CPEB2: variants seen among roughly 807,000 people sequenced by gnomAD.
CPEB2 encodes the protein cytoplasmic polyadenylation element binding protein 2.
A neutral mutation model predicts 93.6 loss-of-function variants in CPEB2; 56 were observed. That is an observed-to-expected ratio of 0.60 (90% CI 0.48 to 0.75). CPEB2 has a LOEUF of 0.75. Among genes scored for constraint, CPEB2 ranks in the 30% least tolerant of loss-of-function variants. CPEB2 has a pLI of 0.00. For synonymous variants in CPEB2, 764 were observed against 586.3 expected, an observed-to-expected ratio of 1.30 and a Z score of -4.38; for missense variants, 1,579 against 1,395.1, an observed-to-expected ratio of 1.13 and a Z score of -2.10.
At chr4:15,046,210 G>A (rs1727672885) in intron 6 of CPEB2, among the ~76,000 whole-genome samples, 1 of 152,122 alleles carries the variant, frequency 6.6e-6, no homozygotes, top group Non-Finnish European at 1.5e-5. Context: ...CCCCAGTAGA[G>A]TATGAGACTG....
Position 15,069,073 on chromosome 4 carries a change from T to TTG in CPEB2, c.*2697_*2698dup. On this transcript the variant is annotated 3_prime_UTR_variant, in exon 12 of 12. Transcript: ENST00000538197. ...TTTTGTATTTTAAAAGCTTCTTCAC[T>TTG]TGTGTTCCCTAAATATTCATATTGC... 1 of 152,230 alleles carries TTG rather than the reference T, an allele frequency of 6.6e-6. No homozygotes were observed. Among genetic ancestry groups the TTG allele is most frequent in the South Asian group, 2.1e-4 (1 of 4,826 alleles). 9.4% of individuals were successfully genotyped at this position (152,230 alleles called of 1,614,324 possible). A position where few individuals can be genotyped will look rare whatever the true frequency, so the allele number is the denominator to read the frequency against.
rs1250384350 is a variant in CPEB2 at position 15,066,396 on chromosome 4, C to T, written c.*16C>T. ...CTGGAACTAAGAATAGCAAACTGGC[C>T]TCTGTTTAACAAGGAAAGAAAGGGT... On this transcript the variant is annotated 3_prime_UTR_variant, in exon 12 of 12. Coordinates refer to ENST00000538197, the MANE Select transcript of CPEB2 (RefSeq NM_001177382.2). 1.3e-6 allele frequency: 2 copies of T among 1,552,674 alleles called. No individual in the cohort carries two copies. Among genetic ancestry groups the T allele is most frequent in the East Asian group, 2.3e-5 (1 of 42,888 alleles).
chr4:15,059,527 C>T (rs773901111), intron 10 of CPEB2, among the ~76,000 whole-genome samples: 1 of 152,114 alleles, frequency 6.6e-6, no homozygotes, highest in Non-Finnish European at 1.5e-5. Context: ...AATATTAGTG[C>T]AGTAGCTAAC....
At chr4:15,047,625 T>G (rs1275217117) in intron 6 of CPEB2, among the ~76,000 whole-genome samples, 1 of 152,104 alleles carries the variant, frequency 6.6e-6, no homozygotes, top group East Asian at 1.9e-4. Flanking sequence ...AATACAATTA[T>G]TTCTACTAGT....
At chr4:15,043,720 A>G (rs1264589677) in intron 6 of CPEB2, among the ~76,000 whole-genome samples, 1 of 152,098 alleles carries the variant, frequency 6.6e-6, no homozygotes, top group East Asian at 1.9e-4. Context: ...TTTTAGTAAT[A>G]TAAATAAAAA....
At position 15,028,343 on chromosome 4, in the gene CPEB2, A is replaced by G. The variant is rs2109018012; in HGVS notation, c.2126-4818A>G. Reference sequence around the variant, plus strand: ...TCTTGTTCTATGATTTTTTTTTTTCATTTTCTTAGAGAATATCCTCCCTAT... The same window carrying G: ...TCTTGTTCTATGATTTTTTTTTTTCGTTTTCTTAGAGAATATCCTCCCTAT... On this transcript the variant is annotated intron_variant, in intron 4 of 11. Coordinates refer to ENST00000538197, the MANE Select transcript of CPEB2 (RefSeq NM_001177382.2). 1.4e-5 allele frequency among the ~76,000 whole-genome samples: 2 copies of G among 147,788 alleles called. 1 individual carries two copies. The highest frequency in any genetic ancestry group is 7.2e-3 in the Middle Eastern group (2 of 276).
At chr4:15,015,004 G>A (rs1191679987) in intron 3 of CPEB2, among the ~76,000 whole-genome samples, 1 of 151,998 alleles carries the variant, frequency 6.6e-6, no homozygotes, top group Non-Finnish European at 1.5e-5. Context: ...GAGACTATAG[G>A]CATCATCTAG....
At chr4:15,025,196 T>G (rs969981981) in intron 4 of CPEB2, among the ~76,000 whole-genome samples, 6 of 152,104 alleles carry the variant, frequency 3.9e-5, no homozygotes, top group African/African-American at 1.4e-4. Flanking sequence ...ATCTTGAGTT[T>G]TTTGTTTTAA....
intron 5 of CPEB2, among the ~76,000 whole-genome samples, chr4:15,040,167 G>C (rs1457923971): frequency 6.6e-6 from 1 of 152,086 alleles, no homozygotes; most frequent in East Asian, 1.9e-4. Context: ...GTATATTTCT[G>C]TCTTCATTAG....
At chr4:15,065,633 G>A (rs1186256480) in intron 11 of CPEB2, among the ~76,000 whole-genome samples, 3 of 151,998 alleles carry the variant, frequency 2.0e-5, no homozygotes, top group African/African-American at 2.4e-5. Flanking sequence ...CCTTCACAAC[G>A]GGACTTGTGC....
intron 10 of CPEB2, among the ~76,000 whole-genome samples, chr4:15,061,107 C>T (rs1296591269): frequency 6.6e-6 from 1 of 152,054 alleles, no homozygotes; most frequent in Non-Finnish European, 1.5e-5. Context: ...CGAGTGTGGC[C>T]AGTGCCTGTT....
intron 5 of CPEB2, among the ~76,000 whole-genome samples, chr4:15,035,221 G>A (rs1442187224): frequency 7.0e-6 from 1 of 142,246 alleles, no homozygotes; most frequent in Non-Finnish European, 1.6e-5. Context: ...CTTTTTTTTT[G>A]TAGTGGTGTA....
Position 15,003,250 on chromosome 4 carries a change from T to G in CPEB2, c.577T>G (p.Ser193Ala). The G allele has an allele frequency of 6.6e-7, 1 of 1,504,698 alleles. No homozygotes were observed. Among genetic ancestry groups the G allele is most frequent in the Non-Finnish European group, 8.8e-7 (1 of 1,137,096 alleles). The allele number at this position is 1,504,698 out of a possible 1,614,324, so 93.2% of individuals were successfully genotyped here. Residue 193 changes from serine (S) to alanine (A), a missense_variant, in exon 1 of 12, where the codon TCG becomes GCG. Coordinates refer to ENST00000538197, the MANE Select transcript of CPEB2 (RefSeq NM_001177382.2). Reference sequence around the variant, plus strand: ...TCCCCACCTTCCCCACCCTCCGGACTCGAAGCCGCCGCCGCCGCCTCCGCC... The same window carrying G: ...TCCCCACCTTCCCCACCCTCCGGACGCGAAGCCGCCGCCGCCGCCTCCGCC... ...SPPHLPHPPD[S>A]KPPPPPPPLH...
At chr4:15,054,252 T>C (rs747671937) in intron 8 of CPEB2, 35 bp downstream of exon 8, 4 of 1,494,708 alleles carry the variant, frequency 2.7e-6, no homozygotes, top group Non-Finnish European at 3.7e-6. Context: ...TGCTAGGAAA[T>C]TGGTTGTATG....
chr4:15,009,150 G>A (rs1723166162), intron 3 of CPEB2, among the ~76,000 whole-genome samples: 1 of 152,204 alleles, frequency 6.6e-6, no homozygotes, highest in African/African-American at 2.4e-5. Context: ...TATATATGCA[G>A]GTTCTTTCTT....
intron 6 of CPEB2, among the ~76,000 whole-genome samples, chr4:15,042,414 A>G (rs748919508): frequency 2.0e-5 from 3 of 152,210 alleles, no homozygotes; most frequent in Admixed American, 6.5e-5. Flanking sequence ...CCCGTAAGCC[A>G]TAAAGACTTA....
At chr4:15,005,173 T>C (rs1337903170) in intron 1 of CPEB2, 2 of 152,224 alleles carry the variant, frequency 1.3e-5, no homozygotes, top group African/African-American at 2.4e-5. Flanking sequence ...AAAGAGAAAC[T>C]GTTAGTGACC....
intron 4 of CPEB2, among the ~76,000 whole-genome samples, chr4:15,027,188 G>A (rs1725575841): frequency 6.6e-6 from 1 of 151,714 alleles, no homozygotes; most frequent in Non-Finnish European, 1.5e-5. Context: ...AAAACTTTTT[G>A]GTATTCTATG....
At position 15,002,643 on chromosome 4, in the gene CPEB2, G is replaced by T. The variant is rs923348041; in HGVS notation, c.-31G>T. 11 of 1,468,474 alleles carry T rather than the reference G, an allele frequency of 7.5e-6. No homozygotes were observed. Among genetic ancestry groups the T allele is most frequent in the Middle Eastern group, 2.0e-4 (1 of 5,040 alleles). 91.0% of individuals were successfully genotyped at this position (1,468,474 alleles called of 1,614,324 possible). ...TCCTAGGTGGGGCAGGGGACGAGGA[G>T]CGTCTCCTCCCGCTGCCGGCGGCCT... is the stretch of plus-strand genomic sequence containing the variant. On this transcript the variant is annotated 5_prime_UTR_variant, in exon 1 of 12. Transcript: ENST00000538197.
Sources: allele counts gnomAD v4.1 joint callset (sites outside exome capture counted in the v4.1 genomes callset), GRCh38; gene constraint gnomAD v4.1.1; transcripts MANE v1.5; gene names NCBI Gene and HGNC (gene_info 2026-07-23, HGNC 2026-07-21).